PDE4D: variants seen among roughly 807,000 people sequenced by gnomAD.
PDE4D encodes phosphodiesterase 4D.
Under a neutral mutation model 87.4 loss-of-function variants are expected in PDE4D, and 24 were observed. That is an observed-to-expected ratio of 0.27 (90% CI 0.20 to 0.39). PDE4D has a LOEUF of 0.39. PDE4D is among the 10% of genes least tolerant of loss of function. The probability of loss-of-function intolerance (pLI) is 1.00; values close to 1 mark genes in which losing one functional copy is unlikely to be tolerated. For synonymous variants in PDE4D, 384 were observed against 383.2 expected (o/e 1.00, Z -0.02); for missense variants, 714 against 1,041.0 (o/e 0.69, Z 4.32).
chr5:60,045,789 A>C (rs1233990638), intron 2 of PDE4D, among the ~76,000 whole-genome samples: 2 of 152,138 alleles, frequency 1.3e-5, no homozygotes, highest in Middle Eastern at 3.4e-3. Context: ...TTTGAAGTCA[A>C]GTAGTGTGAT....
chr5:60,197,320 A>T (rs1295821843), intron 1 of PDE4D, among the ~76,000 whole-genome samples: 1 of 151,592 alleles, frequency 6.6e-6, no homozygotes, highest in East Asian at 1.9e-4. Flanking sequence ...TTTTAAAATC[A>T]ACATACCCTT....
intron 1 of PDE4D, among the ~76,000 whole-genome samples, chr5:59,606,411 G>A (rs1828207283): frequency 1.3e-5 from 2 of 152,078 alleles, no homozygotes; most frequent in African/African-American, 4.8e-5. Context: ...TGTGCATTGA[G>A]ACTTAGACAA....
At chr5:59,265,543 T>G (rs1403462518) in intron 1 of PDE4D, among the ~76,000 whole-genome samples, 1 of 152,114 alleles carries the variant, frequency 6.6e-6, no homozygotes. Context: ...CATACCAATG[T>G]GTAAACTTCA....
chr5:59,826,281 T>A (rs946854640), intron 1 of PDE4D, among the ~76,000 whole-genome samples: 2 of 152,192 alleles, frequency 1.3e-5, no homozygotes, highest in African/African-American at 4.8e-5. Flanking sequence ...GAATGACCAT[T>A]CAGTCATCAG....
At position 59,413,457 on chromosome 5, in the gene PDE4D, C is replaced by CAAAAAAAAAAAAAAAAAAAAA. The variant is rs34074485; in HGVS notation, c.456-197510_456-197490dup. On this transcript the variant is annotated intron_variant, in intron 1 of 14. Transcript: ENST00000340635. The stretch of plus-strand genomic sequence containing the variant: ...TGGGTGACTGAGTGAGACTCCATCT[C>CAAAAAAAAAAAAAAAAAAAAA]AAAAAAAAAAAAAAAAAAAAAAAAG... 5.9e-4 allele frequency among the ~76,000 whole-genome samples: 32 copies of CAAAAAAAAAAAAAAAAAAAAA among 54,420 alleles called. 1 individual carries two copies. The highest frequency in any genetic ancestry group is 2.1e-3 in the African/African-American group (25 of 12,018). 35.7% of individuals were successfully genotyped at this position (54,420 alleles called of 152,430 possible). A position where few individuals can be genotyped will look rare whatever the true frequency, so the allele number is the denominator to read the frequency against.
chr5:59,417,033 T>G (rs1408959048), intron 1 of PDE4D, among the ~76,000 whole-genome samples: 2 of 152,140 alleles, frequency 1.3e-5, no homozygotes, highest in Non-Finnish European at 2.9e-5. Context: ...TTCGAAATAT[T>G]GTGTATGAAG....
At chr5:60,329,813 A>T (rs1369575646) in intron 1 of PDE4D, among the ~76,000 whole-genome samples, 1 of 152,186 alleles carries the variant, frequency 6.6e-6, no homozygotes, top group Non-Finnish European at 1.5e-5. Context: ...ATTTAATGTC[A>T]ATGCAATCTA....
At chr5:59,300,363 C>T (rs1237640271) in intron 1 of PDE4D, among the ~76,000 whole-genome samples, 1 of 152,062 alleles carries the variant, frequency 6.6e-6, no homozygotes, top group East Asian at 1.9e-4. Flanking sequence ...CACTCCCACA[C>T]ACTCCCCATA....
At chr5:59,673,946 T>C (rs1347088331) in intron 1 of PDE4D, among the ~76,000 whole-genome samples, 1 of 152,218 alleles carries the variant, frequency 6.6e-6, no homozygotes, top group Non-Finnish European at 1.5e-5. Flanking sequence ...TCCAATGAAC[T>C]ATATTTTTGG....
At chr5:59,787,708 C>T (rs1765325609) in intron 1 of PDE4D, among the ~76,000 whole-genome samples, 1 of 151,912 alleles carries the variant, frequency 6.6e-6, no homozygotes, top group Non-Finnish European at 1.5e-5. Context: ...GAAAATATAC[C>T]AATTAGCGAC....
intron 1 of PDE4D, among the ~76,000 whole-genome samples, chr5:59,545,723 G>C (rs1817154978): frequency 6.6e-6 from 1 of 152,092 alleles, no homozygotes. Context: ...CTCTCCGCAT[G>C]AAAAATTCTA....
At chr5:60,420,378 T>G (rs973990924) in intron 1 of PDE4D, among the ~76,000 whole-genome samples, 11 of 152,172 alleles carry the variant, frequency 7.2e-5, no homozygotes, top group African/African-American at 2.7e-4. Flanking sequence ...GGAAAGCACC[T>G]GGGATTTCTC....
chr5:60,193,686 A>G (rs1354010367), intron 1 of PDE4D, among the ~76,000 whole-genome samples: 3 of 149,752 alleles, frequency 2.0e-5, no homozygotes, highest in African/African-American at 4.9e-5. Flanking sequence ...AAAAAAAAAA[A>G]AAAAAAGAAA....
chr5:60,418,792 C>T (rs931606627), intron 1 of PDE4D, among the ~76,000 whole-genome samples: 2 of 152,058 alleles, frequency 1.3e-5, no homozygotes, highest in Admixed American at 1.3e-4. Context: ...ACTCTAGTCA[C>T]CCTGTTGTGC....
chr5:60,195,337 G>A (rs1741087418), intron 1 of PDE4D, among the ~76,000 whole-genome samples: 1 of 151,566 alleles, frequency 6.6e-6, no homozygotes, highest in Admixed American at 6.6e-5. Flanking sequence ...TGGACTCTAA[G>A]TCCCTTGAGG....
At chr5:59,779,541 C>T (rs1764402567) in intron 1 of PDE4D, among the ~76,000 whole-genome samples, 1 of 152,030 alleles carries the variant, frequency 6.6e-6, no homozygotes, top group South Asian at 2.1e-4. Context: ...ATTCTATAGA[C>T]CTCCGTGTGA....
At chr5:59,805,089 T>G (rs1339382756) in intron 1 of PDE4D, among the ~76,000 whole-genome samples, 1 of 152,174 alleles carries the variant, frequency 6.6e-6, no homozygotes, top group Admixed American at 6.5e-5. Context: ...CACCGTGCCC[T>G]GCCACATTCT....
intron 3 of PDE4D, among the ~76,000 whole-genome samples, chr5:59,983,897 T>C (rs1456096963): frequency 6.6e-6 from 1 of 152,176 alleles, no homozygotes; most frequent in African/African-American, 2.4e-5. Context: ...AAGACTGGTA[T>C]AAGTGTACAT....
intron 1 of PDE4D, among the ~76,000 whole-genome samples, chr5:59,225,117 A>C (rs563986641): frequency 6.6e-6 from 1 of 152,056 alleles, no homozygotes; most frequent in Non-Finnish European, 1.5e-5. Context: ...TTTCCCCCTA[A>C]ATTTTCTTCT....
Sources: allele counts gnomAD v4.1 joint callset (sites outside exome capture counted in the v4.1 genomes callset), GRCh38; gene constraint gnomAD v4.1.1; transcripts MANE v1.5; gene names NCBI Gene and HGNC (gene_info 2026-07-23, HGNC 2026-07-21).